The following EYS variants were observed in gnomAD, a reference collection of about 807,000 sequenced individuals.
EYS encodes protein eyes shut homolog.
Under a neutral mutation model 282.1 loss-of-function variants are expected in EYS, and 250 were observed. The ratio of observed to expected loss-of-function variants is 0.89; its 90% confidence interval spans 0.80 to 0.98. EYS has a LOEUF of 0.98. Ranked by LOEUF, EYS falls within the 50% of genes least tolerant of loss-of-function variation. The probability of loss-of-function intolerance (pLI) is 0.00; values close to 1 mark genes in which losing one functional copy is unlikely to be tolerated. For missense variants in EYS, 4,016 were observed against 3,709.0 expected, an observed-to-expected ratio of 1.08 and a Z score of -2.15; for synonymous variants, 1,355 against 1,282.9, an observed-to-expected ratio of 1.06 and a Z score of -1.20.
At position 64,010,152 on chromosome 6, in the gene EYS, C is replaced by A. The variant is rs937548886; in HGVS notation, c.6726-10969G>T. Among the ~76,000 whole-genome samples the A allele has an allele frequency of 2.8e-4, 43 of 152,180 alleles. 1 individual carries two copies. Among genetic ancestry groups the A allele is most frequent in the Admixed American group, 6.5e-5 (1 of 15,286 alleles). ...GCAGGGCTGAGATATTTCCAGTCCG[C>A]TGGCCAGAACGCTCCGGTGAAGGGG... On this transcript the variant is annotated intron_variant, in intron 33 of 42. Coordinates refer to ENST00000503581, the MANE Select transcript of EYS (RefSeq NM_001142800.2).
At chr6:64,607,861 T>A (rs761119612) in intron 24 of EYS, among the ~76,000 whole-genome samples, 1 of 152,106 alleles carries the variant, frequency 6.6e-6, no homozygotes, top group Non-Finnish European at 1.5e-5. Flanking sequence ...TATCTATGAA[T>A]AAGCGACCAA....
intron 2 of EYS, among the ~76,000 whole-genome samples, chr6:65,619,440 T>A (rs368715104): frequency 6.6e-6 from 1 of 152,166 alleles, no homozygotes; most frequent in Admixed American, 6.5e-5. Context: ...TTATCAGCTT[T>A]AGGAGATTTT....
intron 18 of EYS, among the ~76,000 whole-genome samples, chr6:64,891,623 C>A (rs146739555): frequency 6.6e-5 from 10 of 152,030 alleles, no homozygotes; most frequent in African/African-American, 9.7e-5. Context: ...CTATTACCTG[C>A]TGAGGGTCCC....
At chr6:65,045,389 C>T (rs1048087503) in intron 13 of EYS, among the ~76,000 whole-genome samples, 1 of 151,872 alleles carries the variant, frequency 6.6e-6, no homozygotes, top group African/African-American at 2.4e-5. Context: ...GCTTGTAACA[C>T]TCCACAGCCC....
intron 29 of EYS, among the ~76,000 whole-genome samples, chr6:64,370,759 G>C (rs1408070516): frequency 6.6e-6 from 1 of 151,998 alleles, no homozygotes; most frequent in Non-Finnish European, 1.5e-5. Context: ...GTGGTTGTAT[G>C]TTTCCAGGAA....
chr6:65,026,496 TG>T (rs1186751286), intron 13 of EYS, among the ~76,000 whole-genome samples: 1 of 152,130 alleles, frequency 6.6e-6, no homozygotes, highest in African/African-American at 2.4e-5. Context: ...CACAGATGAA[TG>T]GGCTACAAAT....
chr6:65,462,838 T>C (rs1323942638), intron 5 of EYS, among the ~76,000 whole-genome samples: 1 of 152,164 alleles, frequency 6.6e-6, no homozygotes, highest in Non-Finnish European at 1.5e-5. Context: ...ATGTGTCAAA[T>C]TTTTAACATG....
rs530088799 is a variant in EYS at position 64,265,362 on chromosome 6, A to G, written c.6192-34538T>C. On this transcript the variant is annotated intron_variant, in intron 30 of 42. Transcript: ENST00000503581. ...CAACTGCTAGGTATAGGCTGGTCCA[A>G]CATTGGATCTGTAGGAATTGATCAC... 4.6e-5 allele frequency among the ~76,000 whole-genome samples: 7 copies of G among 152,318 alleles called. No homozygotes were observed. In the South Asian group the frequency reaches 1.4e-3, roughly 32 times the overall value.
At chr6:65,352,540 C>T (rs752636208) in intron 9 of EYS, among the ~76,000 whole-genome samples, 13 of 151,778 alleles carry the variant, frequency 8.6e-5, no homozygotes, top group Non-Finnish European at 4.4e-5. Context: ...TATATGGGAA[C>T]ACAAGTGCTG....
At chr6:65,070,854 G>A (rs1047039104) in intron 12 of EYS, among the ~76,000 whole-genome samples, 36 of 151,844 alleles carry the variant, frequency 2.4e-4, no homozygotes, top group Admixed American at 9.2e-4. Context: ...AATACTCTAT[G>A]CCCGGCACTA....
At chr6:64,020,774 G>A (rs1304845087) in intron 33 of EYS, among the ~76,000 whole-genome samples, 1 of 152,132 alleles carries the variant, frequency 6.6e-6, no homozygotes, top group East Asian at 1.9e-4. Context: ...GGTGGGTTAT[G>A]TTAACTTTGA....
intron 26 of EYS, among the ~76,000 whole-genome samples, chr6:64,568,103 G>A (rs1765617259): frequency 6.6e-6 from 1 of 152,050 alleles, no homozygotes; most frequent in African/African-American, 2.4e-5. Context: ...GTGAGTTGCA[G>A]AGGTCTCCAG....
intron 1 of EYS, among the ~76,000 whole-genome samples, chr6:65,701,664 T>A (rs1769680424): frequency 6.6e-6 from 1 of 152,194 alleles, no homozygotes; most frequent in African/African-American, 2.4e-5. Flanking sequence ...TCCTTATTTA[T>A]TTCTTGATTT....
At chr6:65,121,594 G>C (rs1305080531) in intron 12 of EYS, among the ~76,000 whole-genome samples, 1 of 152,132 alleles carries the variant, frequency 6.6e-6, no homozygotes, top group East Asian at 1.9e-4. Context: ...ATTTTGGGGG[G>C]AGTGAGTGAT....
At chr6:64,051,691 A>G (rs1432531837) in intron 33 of EYS, among the ~76,000 whole-genome samples, 1 of 152,186 alleles carries the variant, frequency 6.6e-6, no homozygotes, top group East Asian at 1.9e-4. Context: ...GATTGTTCTT[A>G]TAAACAGAAG....
chr6:64,698,737 AATC>A (rs1393420052), intron 22 of EYS, among the ~76,000 whole-genome samples: 4 of 152,184 alleles, frequency 2.6e-5, no homozygotes, highest in African/African-American at 4.8e-5. Flanking sequence ...GCTCAATATC[AATC>A]ATCATCAGAG....
chr6:64,345,737 C>T (rs144796237), intron 29 of EYS, among the ~76,000 whole-genome samples: 2 of 151,800 alleles, frequency 1.3e-5, no homozygotes, highest in African/African-American at 4.8e-5. Context: ...TGCACAGCAA[C>T]AGAAACTACC....
At chr6:64,294,202 A>C (rs1389357811) in intron 30 of EYS, among the ~76,000 whole-genome samples, 1 of 152,338 alleles carries the variant, frequency 6.6e-6, no homozygotes, top group African/African-American at 2.4e-5. Context: ...CCCATCACCA[A>C]ATAAAAACCA....
At chr6:64,515,907 T>C (rs1385436386) in intron 26 of EYS, among the ~76,000 whole-genome samples, 1 of 151,820 alleles carries the variant, frequency 6.6e-6, no homozygotes, top group African/African-American at 2.4e-5. Flanking sequence ...GTAATTTACA[T>C]TTATAGCCGA....
Sources: allele counts gnomAD v4.1 joint callset (sites outside exome capture counted in the v4.1 genomes callset), GRCh38; gene constraint gnomAD v4.1.1; transcripts MANE v1.5; gene names NCBI Gene and HGNC (gene_info 2026-07-23, HGNC 2026-07-21).